The following GABRB2 variants were observed in gnomAD, a reference collection of about 807,000 sequenced individuals.
GABRB2 encodes gamma-aminobutyric acid receptor subunit beta-2.
Under a neutral mutation model 54.7 loss-of-function variants are expected in GABRB2, and 16 were observed. That is an observed-to-expected ratio of 0.29 (90% CI 0.20 to 0.44). GABRB2 has a LOEUF of 0.44. Among genes scored for constraint, GABRB2 ranks in the 20% least tolerant of loss-of-function variants. GABRB2 has a pLI of 1.00. For synonymous variants in GABRB2, 244 were observed against 233.8 expected (o/e 1.04, Z -0.40); for missense variants, 355 against 644.0 (o/e 0.55, Z 4.86).
rs547330724 is a variant in GABRB2, at chr5:161,472,255, G to C, written c.238-12411C>G. Among the ~76,000 whole-genome samples, 55 of 151,800 alleles carry C rather than the reference G, an allele frequency of 3.6e-4. 1 individual carries two copies. The highest frequency in any genetic ancestry group is 1.3e-3 in the African/African-American group (53 of 41,436). ...TATCACTCAGTCAATAATTTTCTAA[G>C]ACCTGCCTGGTTTGGTTGTGGGATT... On this transcript the variant is annotated intron_variant, in intron 3 of 9. Transcript: ENST00000393959.
chr5:161,472,502 A>G (rs1447634519), intron 3 of GABRB2, among the ~76,000 whole-genome samples: 1 of 151,424 alleles, frequency 6.6e-6, no homozygotes, highest in African/African-American at 2.4e-5. Context: ...TGGGACATAC[A>G]TAAAATAAAT....
At chr5:161,452,651 C>G (rs1262133344) in intron 4 of GABRB2, among the ~76,000 whole-genome samples, 1 of 152,082 alleles carries the variant, frequency 6.6e-6, no homozygotes, top group Admixed American at 6.6e-5. Flanking sequence ...CCCAATATAC[C>G]TCAAGTATAC....
intron 5 of GABRB2, among the ~76,000 whole-genome samples, chr5:161,392,396 T>C (rs1398004542): frequency 6.6e-6 from 1 of 152,212 alleles, no homozygotes; most frequent in Non-Finnish European, 1.5e-5. Context: ...AACTTTTTGG[T>C]ATAACGCCTC....
intron 5 of GABRB2, among the ~76,000 whole-genome samples, chr5:161,343,741 C>T (rs1009372906): frequency 2.3e-4 from 35 of 152,094 alleles, no homozygotes; most frequent in Non-Finnish European, 4.0e-4. Flanking sequence ...CTGCCTTAAG[C>T]TCTTTATAAG....
In GABRB2 at chr5:161,336,783, C is replaced by T. The variant is rs1196668078; in HGVS notation, c.542-14G>A. ...TTGTGTATCCATCTGTGAAAGGAAACATACACACACACACACACAAATACA... is the reference window on the plus strand; with the variant it reads ...TTGTGTATCCATCTGTGAAAGGAAATATACACACACACACACACAAATACA... On this transcript the variant is annotated splice_polypyrimidine_tract_variant and intron_variant, in intron 5 of 9. Coordinates refer to ENST00000393959, the MANE Select transcript of GABRB2 (RefSeq NM_001371727.1). 6.5e-7 allele frequency: 1 copy of T among 1,545,770 alleles called. No homozygotes were observed. Among genetic ancestry groups the T allele is most frequent in the Non-Finnish European group, 8.7e-7 (1 of 1,142,970 alleles).
chr5:161,540,227 C>A (rs1760769979), intron 3 of GABRB2, among the ~76,000 whole-genome samples: 1 of 152,222 alleles, frequency 6.6e-6, no homozygotes, highest in African/African-American at 2.4e-5. Context: ...TATTCTAAGT[C>A]CTTTGTTGTC....
In GABRB2 at chr5:161,438,519, C is replaced by T. The variant is rs142725561; in HGVS notation, c.458+21105G>A. Among the ~76,000 whole-genome samples the T allele has an allele frequency of 4.5e-4, 69 of 152,174 alleles. 1 individual carries two copies. The highest frequency in any genetic ancestry group is 1.5e-3 in the African/African-American group (64 of 41,516). ...GAACATCTATTGGCATGAACACCATCCAGGAAAACATGACCTCACCAAATG... is the reference window on the plus strand; with the variant it reads ...GAACATCTATTGGCATGAACACCATTCAGGAAAACATGACCTCACCAAATG... On this transcript the variant is annotated intron_variant, in intron 4 of 9. Transcript: ENST00000393959.
At chr5:161,534,172 G>A (rs976014330) in intron 3 of GABRB2, among the ~76,000 whole-genome samples, 8 of 151,946 alleles carry the variant, frequency 5.3e-5, no homozygotes, top group African/African-American at 1.7e-4. Context: ...TGCCCCCCAG[G>A]GTGCATTTGA....
At chr5:161,397,546 T>G (rs565485701) in intron 5 of GABRB2, among the ~76,000 whole-genome samples, 1 of 152,302 alleles carries the variant, frequency 6.6e-6, no homozygotes, top group Non-Finnish European at 1.5e-5. Flanking sequence ...TAAAAATACA[T>G]CTTTTTAAAG....
At chr5:161,475,286 CATG>C (rs895878774) in intron 3 of GABRB2, among the ~76,000 whole-genome samples, 3 of 151,952 alleles carry the variant, frequency 2.0e-5, no homozygotes, top group Non-Finnish European at 4.4e-5. Flanking sequence ...TCTAAGTCTA[CATG>C]TGGGAAGACA....
chr5:161,546,758 A>C, upstream of GABRB2: 1 of 1,512,764 alleles, frequency 6.6e-7, no homozygotes, highest in Non-Finnish European at 8.8e-7. Flanking sequence ...CAAAACATCA[A>C]AGGGGAAGCG....
chr5:161,318,819 C>G (rs1475012333), intron 9 of GABRB2, among the ~76,000 whole-genome samples: 1 of 151,850 alleles, frequency 6.6e-6, no homozygotes, highest in African/African-American at 2.4e-5. Flanking sequence ...AAAAACTGAT[C>G]GCTTATAAAT....
chr5:161,336,204 A>G (rs1753985482), intron 6 of GABRB2, among the ~76,000 whole-genome samples: 1 of 152,130 alleles, frequency 6.6e-6, no homozygotes. Context: ...GAAAATGTGA[A>G]TTCCTCCCAT....
chr5:161,541,473 T>C (rs1240687198), intron 3 of GABRB2, among the ~76,000 whole-genome samples: 1 of 152,242 alleles, frequency 6.6e-6, no homozygotes, highest in Non-Finnish European at 1.5e-5. Flanking sequence ...GACTCTCTTA[T>C]CTAATAAAGT....
chr5:161,336,496 G>T, intron 6 of GABRB2, 136 bp downstream of exon 6: 1 of 1,028,672 alleles, frequency 9.7e-7, no homozygotes, highest in Non-Finnish European at 1.4e-6. Context: ...AGACTTCATG[G>T]GAAACTGAGG....
intron 4 of GABRB2, among the ~76,000 whole-genome samples, chr5:161,450,745 T>C (rs1187052277): frequency 6.6e-6 from 1 of 152,288 alleles, no homozygotes; most frequent in East Asian, 1.9e-4. Flanking sequence ...TATCAGAAAT[T>C]AATTCTAAAT....
chr5:161,311,619 G>A (rs1757871358), intron 9 of GABRB2, among the ~76,000 whole-genome samples: 1 of 152,176 alleles, frequency 6.6e-6, no homozygotes, highest in South Asian at 2.1e-4. Context: ...AGTTCTCAAG[G>A]CAGCAACCAA....
At chr5:161,316,438 C>A (rs976890190) in intron 9 of GABRB2, among the ~76,000 whole-genome samples, 1 of 152,146 alleles carries the variant, frequency 6.6e-6, no homozygotes, top group Admixed American at 6.5e-5. Context: ...GCAAGAAAGG[C>A]GGTCAGCATG....
chr5:161,298,828 A>T (rs1336662177), intron 9 of GABRB2, among the ~76,000 whole-genome samples: 1 of 152,236 alleles, frequency 6.6e-6, no homozygotes, highest in Non-Finnish European at 1.5e-5. Flanking sequence ...GACCTCTTTC[A>T]GTTATCCCAG....
Sources: allele counts gnomAD v4.1 joint callset (sites outside exome capture counted in the v4.1 genomes callset), GRCh38; gene constraint gnomAD v4.1.1; transcripts MANE v1.5; gene names NCBI Gene and HGNC (gene_info 2026-07-23, HGNC 2026-07-21).